WWOX: variants seen among roughly 807,000 people sequenced by gnomAD.
WWOX encodes the protein WW domain-containing oxidoreductase.
A neutral mutation model predicts 46.2 loss-of-function variants in WWOX; 69 were observed. The ratio of observed to expected loss-of-function variants is 1.49; its 90% confidence interval spans 1.23 to 1.82. WWOX has a LOEUF of 1.82. Among genes scored for constraint, WWOX ranks in the 40% most tolerant of loss-of-function variants. The pLI is 0.00. For missense variants in WWOX, 919 were observed against 542.6 expected, an observed-to-expected ratio of 1.69 and a Z score of -6.89; for synonymous variants, 359 against 202.6, an observed-to-expected ratio of 1.77 and a Z score of -6.56.
chr16:78,313,174 A>G (rs1223997827), intron 5 of WWOX, among the ~76,000 whole-genome samples: 1 of 152,206 alleles, frequency 6.6e-6, no homozygotes, highest in Non-Finnish European at 1.5e-5. Flanking sequence ...AGACTTGGAA[A>G]TCAGACATCT....
intron 4 of WWOX, among the ~76,000 whole-genome samples, chr16:78,115,786 A>C (rs531699299): frequency 1.3e-5 from 2 of 152,166 alleles, no homozygotes; most frequent in Non-Finnish European, 1.5e-5. Flanking sequence ...ATAGGATTTT[A>C]TTCTGATTTT....
At chr16:78,578,627 A>G (rs1455161120) in intron 8 of WWOX, among the ~76,000 whole-genome samples, 3 of 152,082 alleles carry the variant, frequency 2.0e-5, no homozygotes, top group Non-Finnish European at 4.4e-5. Flanking sequence ...ACACACGCAC[A>G]CACCAAATTT....
chr16:79,054,012 A>C (rs1597329490), intron 8 of WWOX, among the ~76,000 whole-genome samples: 1 of 151,858 alleles, frequency 6.6e-6, no homozygotes, highest in South Asian at 2.1e-4. Flanking sequence ...AAATCAGAGC[A>C]GGACATGAAC....
intron 5 of WWOX, among the ~76,000 whole-genome samples, chr16:78,180,091 C>T (rs1253317714): frequency 1.3e-5 from 2 of 152,138 alleles, no homozygotes; most frequent in Non-Finnish European, 2.9e-5. Context: ...TGAAGTCTCC[C>T]CAATTCATCA....
chr16:78,895,075 A>G (rs770215824), intron 8 of WWOX, among the ~76,000 whole-genome samples: 13 of 152,136 alleles, frequency 8.5e-5, no homozygotes, highest in Non-Finnish European at 1.3e-4. Context: ...AACAAACACA[A>G]TGGTTTCTGC....
intron 8 of WWOX, among the ~76,000 whole-genome samples, chr16:79,036,127 C>G (rs557657319): frequency 6.6e-6 from 1 of 152,318 alleles, no homozygotes; most frequent in Admixed American, 6.5e-5. Context: ...ATCTTTCACT[C>G]TCTATGAAAT....
chr16:78,350,769 A>G lies in WWOX; in HGVS notation c.517-36091A>G, dbSNP rs2081169530. ...AATGCTTCCAGGTACACTTGTCTACACATTTTTGTGTGGATATAGGTTTAC... is the reference window on the plus strand; with the variant it reads ...AATGCTTCCAGGTACACTTGTCTACGCATTTTTGTGTGGATATAGGTTTAC... On this transcript the variant is annotated intron_variant, in intron 5 of 8. Transcript: ENST00000566780. Among the ~76,000 whole-genome samples the G allele has an allele frequency of 1.7e-5, 2 of 120,664 alleles. 1 individual carries two copies. 79.2% of individuals were successfully genotyped at this position (120,664 alleles called of 152,430 possible).
intron 8 of WWOX, among the ~76,000 whole-genome samples, chr16:78,630,117 G>A (rs1332473306): frequency 2.6e-5 from 4 of 152,174 alleles, no homozygotes; most frequent in Non-Finnish European, 5.9e-5. Context: ...CTGGCCCAGA[G>A]AGAGTCCTCA....
At position 78,463,398 on chromosome 16, in the gene WWOX, T is replaced by G. The variant is rs75356867; in HGVS notation, c.1056+30646T>G. Reference sequence around the variant, plus strand: ...AACCTAGGGTGTCCAACTGCTAATTTATATAGACTGGAGATATTTCCATGC... The same window carrying G: ...AACCTAGGGTGTCCAACTGCTAATTGATATAGACTGGAGATATTTCCATGC... On this transcript the variant is annotated intron_variant, in intron 8 of 8. Transcript: ENST00000566780. 4.6e-5 allele frequency among the ~76,000 whole-genome samples: 7 copies of G among 152,342 alleles called. No individual in the cohort carries two copies. The East Asian group carries it at 1.4e-3, about 29-fold the overall frequency.
chr16:78,318,964 A>G (rs771638857), intron 5 of WWOX, among the ~76,000 whole-genome samples: 4 of 152,206 alleles, frequency 2.6e-5, no homozygotes, highest in Non-Finnish European at 4.4e-5. Context: ...ATGCTTTGTT[A>G]CATGGAAGAG....
chr16:78,973,813 G>C lies in WWOX; in HGVS notation c.1057-237795G>C, dbSNP rs561422224. On this transcript the variant is annotated intron_variant, in intron 8 of 8. Transcript: ENST00000566780. The stretch of plus-strand genomic sequence containing the variant: ...GATATGCGGGCAGGGGTTCGGGAGT[G>C]GGGGCACCAGGGCTCATGAGCCGAG... Among the ~76,000 whole-genome samples, 4 of 152,370 alleles carry C rather than the reference G, an allele frequency of 2.6e-5. No individual in the cohort carries two copies. In the East Asian group the frequency reaches 5.8e-4, roughly 22 times the overall value.
At chr16:79,201,836 G>A (rs766848888) in intron 8 of WWOX, among the ~76,000 whole-genome samples, 5 of 152,002 alleles carry the variant, frequency 3.3e-5, no homozygotes, top group Non-Finnish European at 5.9e-5. Flanking sequence ...GAGGAAGGCA[G>A]CCTGTTTTAT....
intron 8 of WWOX, among the ~76,000 whole-genome samples, chr16:78,592,862 C>G (rs113275952): frequency 4.6e-5 from 7 of 152,230 alleles, no homozygotes; most frequent in African/African-American, 1.7e-4. Context: ...ACTCGCTGCC[C>G]AGAATGACCA....
intron 8 of WWOX, among the ~76,000 whole-genome samples, chr16:78,988,650 A>G (rs1024605374): frequency 1.3e-5 from 2 of 152,206 alleles, no homozygotes; most frequent in African/African-American, 4.8e-5. Context: ...TGATGTGTTC[A>G]TATTGGTCAA....
intron 8 of WWOX, among the ~76,000 whole-genome samples, chr16:78,819,054 A>C (rs1354298474): frequency 6.6e-6 from 1 of 152,202 alleles, no homozygotes; most frequent in Non-Finnish European, 1.5e-5. Context: ...ACGGCGAAGC[A>C]CTTAGCACAT....
intron 5 of WWOX, among the ~76,000 whole-genome samples, chr16:78,336,854 G>A (rs1054288163): frequency 1.3e-5 from 2 of 152,076 alleles, no homozygotes; most frequent in Non-Finnish European, 2.9e-5. Context: ...GTGCAGTGGT[G>A]CAATCTCCTC....
intron 8 of WWOX, among the ~76,000 whole-genome samples, chr16:79,071,871 A>C (rs1461664765): frequency 1.3e-5 from 2 of 151,970 alleles, no homozygotes; most frequent in East Asian, 1.9e-4. Flanking sequence ...GTTGCAACCA[A>C]CTCCATGTCT....
intron 8 of WWOX, among the ~76,000 whole-genome samples, chr16:78,493,710 A>T (rs2084842436): frequency 6.6e-6 from 1 of 152,156 alleles, no homozygotes; most frequent in Admixed American, 6.5e-5. Context: ...CGTAAATGGA[A>T]CCCTCGCAAC....
chr16:79,035,355 G>A (rs117096727), intron 8 of WWOX, among the ~76,000 whole-genome samples: 2,020 of 152,268 alleles, frequency 0.013, 21 homozygotes, highest in South Asian at 0.031. Context: ...CTAGAATATT[G>A]TACCAAGAAC....
Sources: allele counts gnomAD v4.1 joint callset (sites outside exome capture counted in the v4.1 genomes callset), GRCh38; gene constraint gnomAD v4.1.1; transcripts MANE v1.5; gene names NCBI Gene and HGNC (gene_info 2026-07-23, HGNC 2026-07-21).